The following DOP1B variants were observed in gnomAD, a reference collection of about 807,000 sequenced individuals.
The protein encoded by DOP1B is DOP1 leucine zipper like protein B.
Under a neutral mutation model 233.5 loss-of-function variants are expected in DOP1B, and 174 were observed. That is an observed-to-expected ratio of 0.75 (90% CI 0.66 to 0.85). DOP1B has a LOEUF of 0.85. DOP1B is among the 40% of genes least tolerant of loss of function. DOP1B has a pLI of 0.00. For missense variants in DOP1B, 2,652 were observed against 2,846.6 expected (o/e 0.93, Z 1.56); for synonymous variants, 1,190 against 1,185.6 (o/e 1.00, Z -0.08).
intron 18 of DOP1B, 127 bp from the exon 19 acceptor site, chr21:36,244,921 G>T (rs1312293395): frequency 1.9e-5 from 17 of 908,122 alleles, no homozygotes; most frequent in Non-Finnish European, 2.8e-5. Context: ...TCTGGTGGTG[G>T]TGTTTCATGT....
chr21:36,157,500 G>A (rs1430284674), intron 1 of DOP1B, among the ~76,000 whole-genome samples: 1 of 152,246 alleles, frequency 6.6e-6, no homozygotes, highest in Non-Finnish European at 1.5e-5. Flanking sequence ...CGCCCTGCAG[G>A]GTTCCCGGCT....
At position 36,246,696 on chromosome 21, in the gene DOP1B, G is replaced by T; in HGVS notation, c.4697+19G>T. The T allele has an allele frequency of 1.3e-6, 2 of 1,590,546 alleles. No homozygotes were observed. The highest frequency in any genetic ancestry group is 2.2e-5 in the South Asian group (2 of 89,628). ...CTGTCAGGTGCGTTACGCTCCTTGT[G>T]ACATCTTTATTGCTTTAGTGATGGT... is the stretch of plus-strand genomic sequence containing the variant. On this transcript the variant is annotated intron_variant, in intron 19 of 36. Transcript: ENST00000691173. This position sits in a 1 kb window ranked among gnomAD's most constrained non-coding sequence, Gnocchi z 5.1.
At chr21:36,165,577 A>C (rs996825063) in intron 2 of DOP1B, among the ~76,000 whole-genome samples, 3 of 152,130 alleles carry the variant, frequency 2.0e-5, no homozygotes, top group Admixed American at 1.3e-4. Context: ...GCACAGCAGG[A>C]GGTGAGCGGT....
At chr21:36,286,011 CAA>C (rs56184279) in intron 32 of DOP1B, among the ~76,000 whole-genome samples, 2 of 137,266 alleles carry the variant, frequency 1.5e-5, no homozygotes, top group Admixed American at 7.4e-5. Context: ...GACTCCATCT[CAA>C]AAAAAAAAAA....
chr21:36,245,287 G>C lies in DOP1B; in HGVS notation c.3307G>C (p.Ala1103Pro), dbSNP rs201098019. ...GCTTCCAGACAGGACGGCCCACGGC[G>C]CCCCGGACAGCAGCGAGCACACCGA... The part of the protein sequence containing the change: ...VELPDRTAHG[A>P]PDSSEHTESA... Residue 1103 changes from alanine to proline, a missense_variant, in exon 19 of 37, where the codon GCC becomes CCC. Ala to Pro is a conservative substitution (Grantham distance 27, BLOSUM62 -1). Coordinates refer to ENST00000691173, the MANE Select transcript of DOP1B (RefSeq NM_001320714.2). The surrounding 1 kb of genome is among the most constrained non-coding windows in gnomAD (Gnocchi z 5.5). The C allele has an allele frequency of 6.2e-7, 1 of 1,613,924 alleles. No individual in the cohort carries two copies. Among genetic ancestry groups the C allele is most frequent in the Non-Finnish European group, 8.5e-7 (1 of 1,180,050 alleles).
chr21:36,169,895 G>A (rs1416352338), intron 2 of DOP1B: 6 of 784,936 alleles, frequency 7.6e-6, no homozygotes, highest in Non-Finnish European at 1.4e-5. Context: ...AGGCCTCAAG[G>A]GGTTTCCACG....
At chr21:36,158,914 C>T (rs1040402054) in intron 1 of DOP1B, among the ~76,000 whole-genome samples, 6 of 147,586 alleles carry the variant, frequency 4.1e-5, no homozygotes, top group East Asian at 2.1e-4. Context: ...GATCACCTTA[C>T]GTCAGGAGTT....
intron 2 of DOP1B, among the ~76,000 whole-genome samples, chr21:36,165,972 C>T (rs976836757): frequency 6.6e-6 from 1 of 151,610 alleles, no homozygotes; most frequent in Non-Finnish European, 1.5e-5. Flanking sequence ...CCACCTCGGC[C>T]TCCCAAAGTG....
At chr21:36,201,401 G>A (rs1410797401) in intron 4 of DOP1B, among the ~76,000 whole-genome samples, 3 of 128,588 alleles carry the variant, frequency 2.3e-5, no homozygotes, top group African/African-American at 6.0e-5. Flanking sequence ...AGGCTGGAGT[G>A]CAGTGGTGCG....
At chr21:36,286,659 C>G (rs1206567796) in intron 32 of DOP1B, among the ~76,000 whole-genome samples, 1 of 150,450 alleles carries the variant, frequency 6.6e-6, no homozygotes, top group Non-Finnish European at 1.5e-5. Context: ...CACACACACA[C>G]ACACACACAC....
At chr21:36,281,780 G>A (rs1405741125) in intron 32 of DOP1B, among the ~76,000 whole-genome samples, 169 bp downstream of exon 32, 1 of 152,182 alleles carries the variant, frequency 6.6e-6, no homozygotes, top group Admixed American at 6.6e-5. Flanking sequence ...TATGGCAGAA[G>A]GTGGAAAGGC....
chr21:36,208,600 C>A, intron 4 of DOP1B, 115 bp from the exon 5 acceptor site: 1 of 1,139,658 alleles, frequency 8.8e-7, no homozygotes, highest in Non-Finnish European at 1.2e-6. Flanking sequence ...GAAGGTGGGG[C>A]TTCCCCAGCC....
chr21:36,227,491 G>C (rs912704083), intron 12 of DOP1B, among the ~76,000 whole-genome samples, 195 bp from the exon 13 acceptor site: 6 of 151,700 alleles, frequency 4.0e-5, no homozygotes, highest in Admixed American at 3.9e-4. Context: ...AGCTTGCAGT[G>C]AGCCGAGATC....
chr21:36,210,982 G>A (rs371882457), intron 5 of DOP1B, among the ~76,000 whole-genome samples: 101 of 152,262 alleles, frequency 6.6e-4, no homozygotes, highest in African/African-American at 2.4e-3. Flanking sequence ...CTTTGCTCCC[G>A]GCTGTTCCCT....
At chr21:36,214,667 A>G in intron 9 of DOP1B, 111 bp downstream of exon 9, 1 of 1,001,570 alleles carries the variant, frequency 1.0e-6, no homozygotes, top group Non-Finnish European at 1.5e-6. Flanking sequence ...ATAATTTAAT[A>G]TTTGGAATTT....
chr21:36,274,543 A>C (rs1418861150), intron 27 of DOP1B, among the ~76,000 whole-genome samples: 1 of 152,180 alleles, frequency 6.6e-6, no homozygotes, highest in Non-Finnish European at 1.5e-5. Flanking sequence ...AGGTGGGTGA[A>C]CCAAGAGAGC....
At position 36,252,020 on chromosome 21, in the gene DOP1B, G is replaced by A. The variant is rs570824107; in HGVS notation, c.5121+736G>A. On this transcript the variant is annotated intron_variant, in intron 22 of 36. Coordinates refer to ENST00000691173, the MANE Select transcript of DOP1B (RefSeq NM_001320714.2). ...GTTTGAGACCAGCCTGGGCAATATG[G>A]CAAAAAATTAGCCGGGCGTGGTGTT... Among the ~76,000 whole-genome samples, 58 of 152,080 alleles carry A rather than the reference G, an allele frequency of 3.8e-4. No individual in the cohort carries two copies. The South Asian group carries it at 0.012, about 32-fold the overall frequency.
chr21:36,166,839 C>G (rs541385047), intron 2 of DOP1B, among the ~76,000 whole-genome samples: 1 of 152,306 alleles, frequency 6.6e-6, no homozygotes, highest in African/African-American at 2.4e-5. Flanking sequence ...TGCAGATGGG[C>G]AGTTCTTACA....
intron 1 of DOP1B, among the ~76,000 whole-genome samples, chr21:36,162,647 A>G (rs560094119): frequency 1.5e-4 from 23 of 152,178 alleles, no homozygotes; most frequent in Middle Eastern, 3.4e-3. Context: ...GGTTCAAGCA[A>G]TGCTCATGCC....
Sources: allele counts gnomAD v4.1 joint callset (sites outside exome capture counted in the v4.1 genomes callset), GRCh38; gene constraint gnomAD v4.1.1; non-coding constraint Gnocchi (gnomAD v3.1); transcripts MANE v1.5; gene names NCBI Gene and HGNC (gene_info 2026-07-23, HGNC 2026-07-21).